The following NAALADL2 variants were observed in gnomAD, a reference collection of about 807,000 sequenced individuals.
The protein encoded by NAALADL2 is inactive N-acetylated-alpha-linked acidic dipeptidase-like protein 2.
Under a neutral mutation model 87.2 loss-of-function variants are expected in NAALADL2, and 76 were observed. The observed-to-expected ratio is 0.87, with a 90% CI of 0.72 to 1.05. NAALADL2 has a LOEUF of 1.05. NAALADL2 is among the 50% of genes least tolerant of loss of function. The pLI is 0.00. For missense variants in NAALADL2, 1,089 were observed against 945.8 expected (o/e 1.15, Z -1.99); for synonymous variants, 354 against 331.0 (o/e 1.07, Z -0.75).
At chr3:174,672,685 T>C (rs1726675673) in intron 2 of NAALADL2, among the ~76,000 whole-genome samples, 1 of 151,970 alleles carries the variant, frequency 6.6e-6, no homozygotes, top group South Asian at 2.1e-4. Flanking sequence ...GATTTTTGAA[T>C]AAAGATCTGA....
At position 175,805,018 on chromosome 3, in the gene NAALADL2, A is replaced by G. The variant is rs1449258224; in HGVS notation, c.*1815A>G. 1 of 151,948 alleles carries G rather than the reference A, an allele frequency of 6.6e-6. No homozygotes were observed. The highest frequency in any genetic ancestry group is 2.4e-5 in the African/African-American group (1 of 41,420). The allele number at this position is 151,948 out of a possible 1,614,324, so 9.4% of individuals were successfully genotyped here. A position where few individuals can be genotyped will look rare whatever the true frequency, so the allele number is the denominator to read the frequency against. ...GGTCTAGAAATAAATAGGCTTGTGC[A>G]TACCTAGGCATTCATGCTCTTTCTT... On this transcript the variant is annotated 3_prime_UTR_variant, in exon 14 of 14. Coordinates refer to ENST00000454872, the MANE Select transcript of NAALADL2 (RefSeq NM_207015.3).
intron 13 of NAALADL2, among the ~76,000 whole-genome samples, chr3:175,762,636 G>A (rs1748174717): frequency 6.6e-6 from 1 of 152,130 alleles, no homozygotes; most frequent in South Asian, 2.1e-4. Context: ...TCTTTCCCCA[G>A]AATCACAGCA....
At chr3:175,700,668 A>T (rs186861974) in intron 11 of NAALADL2, among the ~76,000 whole-genome samples, 1 of 152,282 alleles carries the variant, frequency 6.6e-6, no homozygotes, top group Non-Finnish European at 1.5e-5. Context: ...AGAGCAACTT[A>T]AAAAGTCTCT....
intron 2 of NAALADL2, among the ~76,000 whole-genome samples, chr3:174,596,474 A>G (rs1578260184): frequency 6.6e-6 from 1 of 152,208 alleles, no homozygotes; most frequent in Non-Finnish European, 1.5e-5. Context: ...TAGCTGTATC[A>G]GAACCACTTG....
At chr3:174,926,465 G>T (rs994743818) in intron 1 of NAALADL2, among the ~76,000 whole-genome samples, 1 of 152,054 alleles carries the variant, frequency 6.6e-6, no homozygotes, top group Admixed American at 6.6e-5. Flanking sequence ...GAAAGGTCGG[G>T]TTACCCACAA....
chr3:175,523,924 A>G (rs1040616840), intron 9 of NAALADL2, among the ~76,000 whole-genome samples: 1 of 152,196 alleles, frequency 6.6e-6, no homozygotes, highest in Admixed American at 6.5e-5. Context: ...AGAAATTTAG[A>G]ACTCATATCT....
chr3:175,794,769 T>A (rs1753249404), intron 13 of NAALADL2, among the ~76,000 whole-genome samples: 1 of 152,218 alleles, frequency 6.6e-6, no homozygotes, highest in South Asian at 2.1e-4. Context: ...TTATATCTCT[T>A]CAAGATGATA....
chr3:174,725,055 G>A (rs1315553400), intron 2 of NAALADL2, among the ~76,000 whole-genome samples: 1 of 152,148 alleles, frequency 6.6e-6, no homozygotes, highest in African/African-American at 2.4e-5. Flanking sequence ...TATTTGAAGA[G>A]TGACATTTAC....
rs192194468 is a variant in NAALADL2, at chr3:175,273,277, A to T, written c.939+16747A>T. 5.7e-3 allele frequency among the ~76,000 whole-genome samples: 872 copies of T among 152,238 alleles called. 10 individuals carry two copies. The highest frequency in any genetic ancestry group is 0.02 in the African/African-American group (830 of 41,556). ...GTGTATTTATGTTCTCTTACAATTT[A>T]TCTCCACACATATGCCTACAGACAT... On this transcript the variant is annotated intron_variant, in intron 4 of 13. Coordinates refer to ENST00000454872, the MANE Select transcript of NAALADL2 (RefSeq NM_207015.3).
intron 1 of NAALADL2, among the ~76,000 whole-genome samples, chr3:174,515,688 GA>G (rs542590012): frequency 1.5e-3 from 197 of 134,888 alleles, no homozygotes; most frequent in Admixed American, 2.0e-3. Flanking sequence ...CTGACAATTG[GA>G]AAAAAAAAAA....
Position 174,860,757 on chromosome 3 carries a change from T to C in NAALADL2, c.43+1307T>C, listed in dbSNP as rs148902685. ...CCATTTCACTCATTATCCCTCTTTGTGTTAGGATCATGGGTAATATTTTTT... is the reference window on the plus strand; with the variant it reads ...CCATTTCACTCATTATCCCTCTTTGCGTTAGGATCATGGGTAATATTTTTT... On this transcript the variant is annotated intron_variant, in intron 1 of 13. Coordinates refer to ENST00000454872, the MANE Select transcript of NAALADL2 (RefSeq NM_207015.3). 2.9e-3 allele frequency among the ~76,000 whole-genome samples: 445 copies of C among 152,186 alleles called. 2 individuals are homozygous for C. Among genetic ancestry groups the C allele is most frequent in the African/African-American group, 0.01 (429 of 41,550 alleles).
At chr3:175,475,307 C>A (rs1357594896) in intron 9 of NAALADL2, among the ~76,000 whole-genome samples, 1 of 151,950 alleles carries the variant, frequency 6.6e-6, no homozygotes, top group Admixed American at 6.6e-5. Flanking sequence ...TGCCTTCATG[C>A]AAAGTAGATT....
intron 2 of NAALADL2, among the ~76,000 whole-genome samples, chr3:174,565,411 T>C (rs1428680423): frequency 6.6e-6 from 1 of 152,094 alleles, no homozygotes; most frequent in African/African-American, 2.4e-5. Flanking sequence ...CATCATGTAG[T>C]TGAAATCATC....
At chr3:175,691,351 T>G (rs1737018918) in intron 11 of NAALADL2, among the ~76,000 whole-genome samples, 1 of 151,572 alleles carries the variant, frequency 6.6e-6, no homozygotes, top group Admixed American at 6.6e-5. Flanking sequence ...TTTGCTTTTG[T>G]AGTCATAGCT....
chr3:174,956,418 T>C (rs1468194295), intron 1 of NAALADL2, among the ~76,000 whole-genome samples: 1 of 152,112 alleles, frequency 6.6e-6, no homozygotes, highest in African/African-American at 2.4e-5. Flanking sequence ...CTGTAGACTT[T>C]CTAGGTTCTG....
At chr3:174,933,792 T>G (rs548404771) in intron 1 of NAALADL2, among the ~76,000 whole-genome samples, 73 of 152,296 alleles carry the variant, frequency 4.8e-4, no homozygotes, top group African/African-American at 1.7e-3. Context: ...TGCTCTCAGT[T>G]ATAAGTAAAA....
rs770236173 is a variant in NAALADL2, at chr3:174,803,551, A to G, written c.-9+65805A>G. The stretch of plus-strand genomic sequence containing the variant: ...AGTCATGAAGTCTTTGCTGATGCCT[A>G]TGTTCTGAATGGTACTGCCTAGGTT... On this transcript the variant is annotated intron_variant, in intron 3 of 3. Coordinates refer to the NAALADL2 transcript ENST00000434257. Among the ~76,000 whole-genome samples the G allele has an allele frequency of 6.6e-5, 10 of 152,042 alleles. 1 individual carries two copies. Among genetic ancestry groups the G allele is most frequent in the Non-Finnish European group, 8.8e-5 (6 of 67,998 alleles).
intron 13 of NAALADL2, among the ~76,000 whole-genome samples, chr3:175,795,237 C>T (rs1753313126): frequency 6.6e-6 from 1 of 152,312 alleles, no homozygotes; most frequent in South Asian, 2.1e-4. Context: ...CCATCTGTCA[C>T]TCTGTGAACA....
At chr3:174,923,236 G>T (rs1343088336) in intron 1 of NAALADL2, among the ~76,000 whole-genome samples, 1 of 152,224 alleles carries the variant, frequency 6.6e-6, no homozygotes, top group South Asian at 2.1e-4. Flanking sequence ...AAATTATAAA[G>T]TGTAGTTAGT....
Sources: allele counts gnomAD v4.1 joint callset (sites outside exome capture counted in the v4.1 genomes callset), GRCh38; gene constraint gnomAD v4.1.1; transcripts MANE v1.5; gene names NCBI Gene and HGNC (gene_info 2026-07-23, HGNC 2026-07-21).